KCNB2: variants seen among roughly 807,000 people sequenced by gnomAD.
KCNB2 encodes the protein delayed rectifier potassium channel protein.
Under a neutral mutation model 61.5 loss-of-function variants are expected in KCNB2, and 15 were observed. The ratio of observed to expected loss-of-function variants is 0.24; its 90% CI spans 0.16 to 0.38. KCNB2 has a LOEUF of 0.38. KCNB2 is among the 10% of genes least tolerant of loss of function. The pLI is 1.00. For synonymous variants in KCNB2, 457 were observed against 446.0 expected (o/e 1.02, Z -0.31); for missense variants, 828 against 1,125.2 (o/e 0.74, Z 3.78).
chr8:72,889,863 C>A (rs1182162295), intron 2 of KCNB2, among the ~76,000 whole-genome samples: 2 of 152,098 alleles, frequency 1.3e-5, no homozygotes, highest in African/African-American at 4.8e-5. Context: ...TCAAGCAATT[C>A]TCCTGCCTCT....
intron 2 of KCNB2, among the ~76,000 whole-genome samples, chr8:72,800,411 G>T (rs1229686125): frequency 6.6e-6 from 1 of 152,148 alleles, no homozygotes; most frequent in Non-Finnish European, 1.5e-5. Context: ...AGACCACTGT[G>T]TCTCTTGGCT....
At chr8:72,826,211 G>A (rs1809593558) in intron 2 of KCNB2, among the ~76,000 whole-genome samples, 1 of 152,168 alleles carries the variant, frequency 6.6e-6, no homozygotes, top group Non-Finnish European at 1.5e-5. Context: ...CAGTACCTCA[G>A]TCATAGCTGA....
In KCNB2 at chr8:72,639,634, G is replaced by T. The variant is rs906653053; in HGVS notation, c.579+71321G>T. 3.3e-5 allele frequency among the ~76,000 whole-genome samples: 5 copies of T among 152,050 alleles called. 1 individual carries two copies. The highest frequency in any genetic ancestry group is 1.2e-4 in the African/African-American group (5 of 41,412). On this transcript the variant is annotated intron_variant, in intron 2 of 2. Coordinates refer to ENST00000523207, the MANE Select transcript of KCNB2 (RefSeq NM_004770.3). ...CGAGGGAATCTGTAACTTCATCCGAGTTTGGCTTCTTAGGCTTCATGATCA... is the reference window on the plus strand; with the variant it reads ...CGAGGGAATCTGTAACTTCATCCGATTTTGGCTTCTTAGGCTTCATGATCA...
intron 2 of KCNB2, among the ~76,000 whole-genome samples, chr8:72,733,052 G>A (rs747145583): frequency 6.6e-6 from 1 of 152,104 alleles, no homozygotes; most frequent in Non-Finnish European, 1.5e-5. Flanking sequence ...GAGAAAGGGA[G>A]TAAGGAGGGG....
intron 2 of KCNB2, among the ~76,000 whole-genome samples, chr8:72,568,670 C>A (rs1344404169): frequency 1.3e-5 from 2 of 152,116 alleles, no homozygotes; most frequent in African/African-American, 4.8e-5. Flanking sequence ...AAGACGAGGG[C>A]CTGAGCTCCA....
intron 2 of KCNB2, among the ~76,000 whole-genome samples, chr8:72,583,962 A>AAC (rs1554577514): frequency 1.3e-5 from 2 of 148,984 alleles, no homozygotes; most frequent in Admixed American, 1.3e-4. Context: ...AAAAAAAAAA[A>AAC]AAACAAACAA....
chr8:72,682,720 A>C (rs188843850), intron 2 of KCNB2, among the ~76,000 whole-genome samples: 11 of 152,216 alleles, frequency 7.2e-5, no homozygotes, highest in Admixed American at 2.6e-4. Context: ...CAGCCTTCTG[A>C]GTAGTTGAGA....
At chr8:72,722,809 A>G (rs1807573498) in intron 2 of KCNB2, among the ~76,000 whole-genome samples, 1 of 152,210 alleles carries the variant, frequency 6.6e-6, no homozygotes, top group South Asian at 2.1e-4. Flanking sequence ...TAAATACAAT[A>G]TATGTATTAT....
intron 2 of KCNB2, among the ~76,000 whole-genome samples, chr8:72,914,815 G>A (rs1050170176): frequency 6.6e-6 from 1 of 152,096 alleles, no homozygotes; most frequent in Non-Finnish European, 1.5e-5. Flanking sequence ...ATTGTGTTAA[G>A]TGTTGTAAAG....
chr8:72,681,624 A>G (rs1806757203), intron 2 of KCNB2, among the ~76,000 whole-genome samples: 1 of 152,262 alleles, frequency 6.6e-6, no homozygotes, highest in Non-Finnish European at 1.5e-5. Flanking sequence ...AATAAAAAGT[A>G]TAGTATAACA....
At chr8:72,799,433 A>G (rs186061026) in intron 2 of KCNB2, among the ~76,000 whole-genome samples, 226 of 126,894 alleles carry the variant, frequency 1.8e-3, no homozygotes, top group Admixed American at 4.4e-3. Context: ...TTATTCTCCA[A>G]TACAGGTTTG....
intron 2 of KCNB2, among the ~76,000 whole-genome samples, chr8:72,598,127 G>A (rs549724353): frequency 4.7e-4 from 65 of 137,012 alleles, no homozygotes; most frequent in South Asian, 2.2e-3. Flanking sequence ...GTATGTCAAA[G>A]CCTGGCAGAG....
intron 2 of KCNB2, among the ~76,000 whole-genome samples, chr8:72,662,484 A>T (rs1295080162): frequency 1.3e-5 from 2 of 152,122 alleles, no homozygotes; most frequent in African/African-American, 4.8e-5. Context: ...CTACTGGAGG[A>T]TATGGATGAT....
intron 2 of KCNB2, among the ~76,000 whole-genome samples, chr8:72,575,873 T>G (rs185627746): frequency 9.8e-4 from 150 of 152,358 alleles, no homozygotes; most frequent in African/African-American, 3.4e-3. Context: ...TCCTATAATT[T>G]TTTTAAAGAG....
At chr8:72,758,051 CACAGGAAGTTG>C (rs1808318133) in intron 2 of KCNB2, among the ~76,000 whole-genome samples, 1 of 152,190 alleles carries the variant, frequency 6.6e-6, no homozygotes. Flanking sequence ...GAAAGGAGAG[CACAGGAAGTTG>C]AGAGATTGCC....
chr8:72,801,832 GA>G (rs576522827), intron 2 of KCNB2, among the ~76,000 whole-genome samples: 10 of 140,950 alleles, frequency 7.1e-5, no homozygotes, highest in South Asian at 4.5e-4. Flanking sequence ...GACAGAAAAA[GA>G]AAAAAAAAAC....
At chr8:72,774,141 G>T (rs1178935839) in intron 2 of KCNB2, among the ~76,000 whole-genome samples, 1 of 152,126 alleles carries the variant, frequency 6.6e-6, no homozygotes, top group Non-Finnish European at 1.5e-5. Context: ...CTGAGGCACA[G>T]AAAGTAACTT....
intron 2 of KCNB2, among the ~76,000 whole-genome samples, chr8:72,624,794 G>A (rs1031717844): frequency 1.3e-5 from 2 of 152,108 alleles, no homozygotes; most frequent in African/African-American, 4.8e-5. Flanking sequence ...GGATGTACTT[G>A]GTTATATCAC....
At chr8:72,796,801 AC>A (rs1220205677) in intron 2 of KCNB2, among the ~76,000 whole-genome samples, 1 of 152,200 alleles carries the variant, frequency 6.6e-6, no homozygotes, top group Non-Finnish European at 1.5e-5. Flanking sequence ...TTGTATGAGA[AC>A]TTTGGTTTGT....
Sources: allele counts gnomAD v4.1 joint callset (sites outside exome capture counted in the v4.1 genomes callset), GRCh38; gene constraint gnomAD v4.1.1; transcripts MANE v1.5; gene names NCBI Gene and HGNC (gene_info 2026-07-23, HGNC 2026-07-21).